The following ANKRD28 variants were observed in gnomAD, a reference collection of about 807,000 sequenced individuals.
ANKRD28 encodes ankyrin repeat domain 28, also known as serine/threonine-protein phosphatase 6 regulatory ankyrin repeat subunit A.
Under a neutral mutation model 126.5 loss-of-function variants are expected in ANKRD28, and 44 were observed. That is an observed-to-expected ratio of 0.35 (90% CI 0.27 to 0.45). The LOEUF (loss-of-function observed/expected upper bound fraction) is 0.45. Among genes scored for constraint, ANKRD28 ranks in the 20% least tolerant of loss-of-function variants. The probability of loss-of-function intolerance (pLI) is 1.00; values close to 1 mark genes in which losing one functional copy is unlikely to be tolerated. For synonymous variants in ANKRD28, 442 were observed against 468.5 expected (o/e 0.94, Z 0.73); for missense variants, 1,110 against 1,316.6 (o/e 0.84, Z 2.43).
upstream of ANKRD28, among the ~76,000 whole-genome samples, chr3:15,802,090 C>A (rs373980484): frequency 6.6e-6 from 1 of 152,156 alleles, no homozygotes; most frequent in African/African-American, 2.4e-5. Context: ...AGTACAGAGC[C>A]TCACACAATA....
intron 1 of ANKRD28, among the ~76,000 whole-genome samples, chr3:15,852,033 AGTC>A (rs2061662891): frequency 6.6e-6 from 1 of 152,224 alleles, no homozygotes; most frequent in African/African-American, 2.4e-5. Context: ...ACAGAATAGT[AGTC>A]GTCAAGAAGC....
intron 14 of ANKRD28, among the ~76,000 whole-genome samples, chr3:15,701,622 CAAG>C (rs58571115): frequency 0.041 from 6,248 of 151,344 alleles, 414 homozygotes; most frequent in African/African-American, 0.14. Context: ...CCAGCCTGGG[CAAG>C]AAGATCAAAA....
At chr3:15,765,765 G>C (rs1254301807) in intron 3 of ANKRD28, among the ~76,000 whole-genome samples, 1 of 151,416 alleles carries the variant, frequency 6.6e-6, no homozygotes, top group Non-Finnish European at 1.5e-5. Flanking sequence ...ACTTGAACCA[G>C]GGAGCTGGAG....
At position 15,713,650 on chromosome 3, in the gene ANKRD28, T is replaced by G. The variant is rs749503215; in HGVS notation, c.1076-9A>C. The G allele has an allele frequency of 1.0e-5, 16 of 1,568,864 alleles. No individual in the cohort carries two copies. The highest frequency in any genetic ancestry group is 1.4e-5 in the Non-Finnish European group (16 of 1,150,640). ...ACAGTCGATTACAGCTCCTGCAATA[T>G]AGGACTTACTGTCAGACACTGGACC... On this transcript the variant is annotated splice_polypyrimidine_tract_variant and intron_variant, in intron 9 of 27. Transcript: ENST00000683139.
At chr3:15,768,219 C>T (rs929346456) in intron 2 of ANKRD28, among the ~76,000 whole-genome samples, 2 of 152,090 alleles carry the variant, frequency 1.3e-5, no homozygotes, top group Non-Finnish European at 2.9e-5. Flanking sequence ...AAAAATTATA[C>T]TTCATTTTGT....
chr3:15,850,224 T>TATAGAGAGAGAGAGAGAG (rs1418223588), intron 1 of ANKRD28, among the ~76,000 whole-genome samples: 24 of 35,104 alleles, frequency 6.8e-4, no homozygotes, highest in Non-Finnish European at 1.1e-3. Flanking sequence ...TATATATATA[T>TATAGAGAGAGAGAGAGAG]AGAGAGAGAG....
rs2066893874 is a variant in ANKRD28 at position 15,675,976 on chromosome 3, C to T, written c.2887G>A (p.Ala963Thr). The T allele has an allele frequency of 1.2e-6, 2 of 1,612,494 alleles. No individual in the cohort carries two copies. The highest frequency in any genetic ancestry group is 8.5e-7 in the Non-Finnish European group (1 of 1,179,052). The change falls in exon 27 of 28, where the codon GCT becomes ACT. Residue 963 changes from alanine (A) to threonine (T), a missense_variant. Transcript: ENST00000683139. ...NAALQTPLHV[A>T]ARNGLTMVVQ... ...ACCATTGTTAGCCCATTTCGGGCAG[C>T]AACATGCAGAGGTCTAGGGGAAAAA...
chr3:15,800,129 C>T (rs1165061654), upstream of ANKRD28, among the ~76,000 whole-genome samples: 1 of 152,060 alleles, frequency 6.6e-6, no homozygotes, highest in African/African-American at 2.4e-5. Flanking sequence ...AATTCTGCTT[C>T]CATCATTTCC....
At chr3:15,685,150 A>G in intron 21 of ANKRD28, 76 bp downstream of exon 21, 1 of 1,518,260 alleles carries the variant, frequency 6.6e-7, no homozygotes, top group Non-Finnish European at 9.1e-7. Context: ...TAAACTTAAA[A>G]TTTGCCTTAT....
chr3:15,807,111 A>G (rs924993442), intron 1 of ANKRD28, among the ~76,000 whole-genome samples: 1 of 152,184 alleles, frequency 6.6e-6, no homozygotes, highest in Non-Finnish European at 1.5e-5. Context: ...CTCCCTTCAT[A>G]GCCACATGTT....
At chr3:15,755,385 T>C (rs1271835905) in intron 3 of ANKRD28, among the ~76,000 whole-genome samples, 1 of 151,762 alleles carries the variant, frequency 6.6e-6, no homozygotes, top group Non-Finnish European at 1.5e-5. Flanking sequence ...TGAAAAAGAG[T>C]GTAAAAGCAA....
chr3:15,840,027 A>G (rs2061397477), intron 1 of ANKRD28, among the ~76,000 whole-genome samples: 2 of 152,232 alleles, frequency 1.3e-5, no homozygotes, highest in South Asian at 4.1e-4. Flanking sequence ...CTGTTATTCA[A>G]CATAGTACTG....
chr3:15,715,972 A>C (rs2072962868), intron 8 of ANKRD28, among the ~76,000 whole-genome samples: 1 of 151,204 alleles, frequency 6.6e-6, no homozygotes, highest in Non-Finnish European at 1.5e-5. Flanking sequence ...TTAATATTTT[A>C]GCTATGGCCT....
intron 1 of ANKRD28, among the ~76,000 whole-genome samples, chr3:15,831,321 T>C (rs1037128269): frequency 3.3e-5 from 5 of 152,234 alleles, no homozygotes; most frequent in South Asian, 2.1e-4. Flanking sequence ...CCAAAAACTA[T>C]TGTGCATATG....
Position 15,736,493 on chromosome 3 carries a change from G to C in ANKRD28, c.552+540C>G, listed in dbSNP as rs114383118. 6.4e-3 allele frequency among the ~76,000 whole-genome samples: 978 copies of C among 152,250 alleles called. 13 individuals are homozygous for C. Among genetic ancestry groups the C allele is most frequent in the African/African-American group, 0.022 (904 of 41,546 alleles). ...CCCCTGCAACAAAAATGAAAGACTA[G>C]ACAAGTTGGCTTCAAAGGTTCTTCT... is the stretch of plus-strand genomic sequence containing the variant. On this transcript the variant is annotated intron_variant, in intron 5 of 27. Coordinates refer to ENST00000683139, the MANE Select transcript of ANKRD28 (RefSeq NM_001349278.2).
chr3:15,844,363 T>C (rs1317719568), intron 1 of ANKRD28, among the ~76,000 whole-genome samples: 1 of 151,886 alleles, frequency 6.6e-6, no homozygotes, highest in African/African-American at 2.4e-5. Context: ...ACAGATTAGA[T>C]GAAGTAGGTT....
At chr3:15,825,071 T>C (rs1286536848) in intron 1 of ANKRD28, among the ~76,000 whole-genome samples, 1 of 152,202 alleles carries the variant, frequency 6.6e-6, no homozygotes, top group Non-Finnish European at 1.5e-5. Context: ...GGCTTATCTG[T>C]TGTAAAATTT....
At chr3:15,835,651 C>T (rs939898182) in intron 1 of ANKRD28, among the ~76,000 whole-genome samples, 1 of 152,158 alleles carries the variant, frequency 6.6e-6, no homozygotes. Flanking sequence ...TAGAAATTGA[C>T]GTCTACATAA....
intron 8 of ANKRD28, among the ~76,000 whole-genome samples, chr3:15,716,219 T>C (rs2073013015): frequency 6.6e-6 from 1 of 151,486 alleles, no homozygotes; most frequent in East Asian, 1.9e-4. Flanking sequence ...AGACCTCAAG[T>C]AATCCACCCG....
Sources: gnomAD v4.1 joint callset for allele counts (sites outside exome capture counted in the v4.1 genomes callset) on GRCh38, gnomAD v4.1.1 for gene constraint, MANE v1.5 for transcripts, NCBI Gene and HGNC (gene_info 2026-07-23, HGNC 2026-07-21) for gene names.